ARAP2: variants seen among roughly 807,000 people sequenced by gnomAD.
ARAP2 encodes arf-GAP with Rho-GAP domain, ANK repeat and PH domain-containing protein 2.
In ARAP2, 148 loss-of-function variants were observed where a neutral mutation model predicts 194.5. The ratio of observed to expected loss-of-function variants is 0.76; its 90% CI spans 0.67 to 0.87. The LOEUF (loss-of-function observed/expected upper bound fraction) is 0.87. ARAP2 is among the 40% of genes least tolerant of loss of function. The probability of loss-of-function intolerance (pLI) is 0.00; values close to 1 mark genes in which losing one functional copy is unlikely to be tolerated. For missense variants in ARAP2, 2,128 were observed against 1,989.7 expected (o/e 1.07, Z -1.32); for synonymous variants, 695 against 683.5 (o/e 1.02, Z -0.26).
chr4:36,104,267 AAAAT>A (rs1281043773), intron 27 of ARAP2, among the ~76,000 whole-genome samples: 14 of 151,952 alleles, frequency 9.2e-5, no homozygotes. Flanking sequence ...TTAAGAAAGG[AAAAT>A]AAATCTTTAA....
chr4:36,187,811 G>A (rs972865824), intron 7 of ARAP2, among the ~76,000 whole-genome samples: 2 of 152,136 alleles, frequency 1.3e-5, no homozygotes, highest in Non-Finnish European at 2.9e-5. Context: ...GGAATTAAAA[G>A]GGAAAGAATC....
At chr4:36,015,021 G>T (rs1715530384) in intron 8 of ARAP2, among the ~76,000 whole-genome samples, 1 of 152,138 alleles carries the variant, frequency 6.6e-6, no homozygotes, top group Admixed American at 6.5e-5. Context: ...TATGAAAAAA[G>T]TGTTAGGGGA....
At chr4:36,136,317 G>A (rs1041629461) in intron 19 of ARAP2, among the ~76,000 whole-genome samples, 2 of 151,722 alleles carry the variant, frequency 1.3e-5, no homozygotes, top group African/African-American at 4.8e-5. Flanking sequence ...AATTAGTTAT[G>A]CTAATTGTCT....
chr4:36,154,815 C>T (rs879831521), intron 15 of ARAP2, among the ~76,000 whole-genome samples: 2 of 152,180 alleles, frequency 1.3e-5, no homozygotes, highest in Non-Finnish European at 2.9e-5. Flanking sequence ...GGAGTGGTAG[C>T]ATCCAGGTGC....
At chr4:36,130,217 T>A (rs1027537502) in intron 20 of ARAP2, among the ~76,000 whole-genome samples, 12 of 152,004 alleles carry the variant, frequency 7.9e-5, no homozygotes, top group African/African-American at 2.9e-4. Context: ...GATAACAGCA[T>A]GATCTAAAAT....
At chr4:36,237,341 T>C (rs1467884606) in intron 1 of ARAP2, among the ~76,000 whole-genome samples, 1 of 152,214 alleles carries the variant, frequency 6.6e-6, no homozygotes, top group Non-Finnish European at 1.5e-5. Flanking sequence ...AGGGTACAGG[T>C]CTTCTAGAAG....
At chr4:36,141,081 G>A (rs1438159051) in intron 19 of ARAP2, among the ~76,000 whole-genome samples, 1 of 151,558 alleles carries the variant, frequency 6.6e-6, no homozygotes, top group African/African-American at 2.4e-5. Context: ...GAAGATGTAG[G>A]TTAAAGTGCA....
At chr4:36,242,288 T>C (rs1220146221) in intron 1 of ARAP2, among the ~76,000 whole-genome samples, 1 of 152,184 alleles carries the variant, frequency 6.6e-6, no homozygotes, top group Non-Finnish European at 1.5e-5. Flanking sequence ...CAATGTAGCA[T>C]GTGCAAAGAT....
chr4:36,107,517 C>A, intron 27 of ARAP2, 48 bp downstream of exon 27: 1 of 1,561,146 alleles, frequency 6.4e-7, no homozygotes, highest in African/African-American at 1.4e-5. Flanking sequence ...TACCCTTTAA[C>A]CACTTGAATT....
intron 3 of ARAP2, among the ~76,000 whole-genome samples, chr4:36,214,194 A>C (rs1430656340): frequency 1.3e-5 from 2 of 152,214 alleles, no homozygotes; most frequent in African/African-American, 4.8e-5. Context: ...TTGTATAAAA[A>C]GAAAACTTCT....
chr4:36,182,917 C>T (rs1739612727), intron 8 of ARAP2, among the ~76,000 whole-genome samples: 1 of 152,026 alleles, frequency 6.6e-6, no homozygotes. Context: ...AAGTAGGCTG[C>T]TGAATATATG....
chr4:36,124,710 A>C, intron 22 of ARAP2, 152 bp downstream of exon 22: 1 of 483,592 alleles, frequency 2.1e-6, no homozygotes, highest in Non-Finnish European at 3.7e-6. Context: ...AGAAATTCCC[A>C]GTGCTATTTA....
rs745804222 is a variant in ARAP2, at chr4:36,228,603, G to A, written c.884C>T (p.Ser295Leu). 23 of 1,595,072 alleles carry A rather than the reference G, an allele frequency of 1.4e-5. No individual in the cohort carries two copies. The highest frequency in any genetic ancestry group is 1.9e-5 in the Non-Finnish European group (22 of 1,170,440). ...RHRPVPEIPG[S>L]TKGVSGSYFR... ...TTACCTCCCAGAAACTCCTTTTGTT[G>A]ACCCTGGAATCTCTGGTACAGGTCG... The change falls in exon 2 of 33, where the codon TCA becomes TTA. Residue 295 changes from serine (S) to leucine (L), a missense_variant. Coordinates refer to ENST00000303965, the MANE Select transcript of ARAP2 (RefSeq NM_015230.4).
At chr4:36,111,025 G>A (rs1719844663) in intron 26 of ARAP2, among the ~76,000 whole-genome samples, 1 of 151,872 alleles carries the variant, frequency 6.6e-6, no homozygotes, top group South Asian at 2.1e-4. Flanking sequence ...TCTCAGGACA[G>A]TAAAGGGAAG....
rs1055907688 is a variant in ARAP2 at position 36,158,508 on chromosome 4, G to A, written c.2752+222C>T. Among the ~76,000 whole-genome samples, 6 of 152,086 alleles carry A rather than the reference G, an allele frequency of 3.9e-5. No homozygotes were observed. In the East Asian group the frequency reaches 7.7e-4, roughly 20 times the overall value. On this transcript the variant is annotated intron_variant, in intron 15 of 32. Transcript: ENST00000303965. ...TTGGTTAGCCTTAAGGTAGACATAA[G>A]TGAATTCTGTTGAGAATTCACTCAG...
At chr4:36,113,768 A>C (rs1720623555) in intron 26 of ARAP2, among the ~76,000 whole-genome samples, 1 of 152,014 alleles carries the variant, frequency 6.6e-6, no homozygotes, top group Non-Finnish European at 1.5e-5. Flanking sequence ...AGAAAAAAGA[A>C]AAATAAAAAA....
intron 8 of ARAP2, among the ~76,000 whole-genome samples, chr4:36,182,810 G>A (rs184197332): frequency 6.6e-6 from 1 of 152,248 alleles, no homozygotes; most frequent in Admixed American, 6.5e-5. Flanking sequence ...GCTGAGATGA[G>A]GAAGATTACA....
At chr4:36,229,698 C>A in intron 1 of ARAP2, 53 bp from the exon 2 acceptor site, 1 of 385,872 alleles carries the variant, frequency 2.6e-6, no homozygotes, top group South Asian at 6.2e-5. Context: ...TTAAAATCTA[C>A]TTTTATATAC....
intron 27 of ARAP2, among the ~76,000 whole-genome samples, chr4:36,106,761 T>C (rs1408690690): frequency 6.6e-6 from 1 of 151,762 alleles, no homozygotes; most frequent in East Asian, 1.9e-4. Context: ...TAATATAACT[T>C]ACAAGGAAGT....
Sources: gnomAD v4.1 joint callset for allele counts (sites outside exome capture counted in the v4.1 genomes callset) on GRCh38, gnomAD v4.1.1 for gene constraint, MANE v1.5 for transcripts, NCBI Gene and HGNC (gene_info 2026-07-23, HGNC 2026-07-21) for gene names.